CRTAC1: variants seen among roughly 807,000 people sequenced by gnomAD.
The protein encoded by CRTAC1 is cartilage acidic protein 1.
CRTAC1 carries 37 observed loss-of-function variants against 67.8 expected under a neutral mutation model. The ratio of observed to expected loss-of-function variants is 0.55; its 90% CI spans 0.42 to 0.72. The LOEUF is 0.72. Among genes scored for constraint, CRTAC1 ranks in the 30% least tolerant of loss-of-function variants. CRTAC1 has a pLI of 0.00. For synonymous variants in CRTAC1, 348 were observed against 371.0 expected, an observed-to-expected ratio of 0.94 and a Z score of 0.71; for missense variants, 780 against 931.6, an observed-to-expected ratio of 0.84 and a Z score of 2.12.
At chr10:97,872,692 A>G (rs2050106993) in intron 14 of CRTAC1, among the ~76,000 whole-genome samples, 1 of 152,194 alleles carries the variant, frequency 6.6e-6, no homozygotes, top group Non-Finnish European at 1.5e-5. Flanking sequence ...GATAGATCAG[A>G]GATGAGCGAG....
intron 2 of CRTAC1, among the ~76,000 whole-genome samples, chr10:97,947,544 T>C (rs1191167197): frequency 6.6e-6 from 1 of 152,058 alleles, no homozygotes; most frequent in Non-Finnish European, 1.5e-5. Context: ...AAGTGAAAAA[T>C]AGTGAAAAGC....
At chr10:98,011,784 A>AGGAGGGAGGAAG (rs1333270909) in intron 1 of CRTAC1, among the ~76,000 whole-genome samples, 2 of 152,178 alleles carry the variant, frequency 1.3e-5, no homozygotes, top group African/African-American at 4.8e-5. Flanking sequence ...AAGGAAGGAA[A>AGGAGGGAGGAAG]GGAGGGAGGA....
At chr10:97,998,472 G>C (rs535475121) in intron 2 of CRTAC1, among the ~76,000 whole-genome samples, 1 of 152,130 alleles carries the variant, frequency 6.6e-6, no homozygotes, top group East Asian at 1.9e-4. Context: ...AGTAATAATG[G>C]GCATCTGAAA....
At position 97,895,806 on chromosome 10, in the gene CRTAC1, C is replaced by T. The variant is rs74389307; in HGVS notation, c.1317+79G>A. 386 of 1,234,636 alleles carry T rather than the reference C, an allele frequency of 3.1e-4. 1 individual carries two copies. The highest frequency in any genetic ancestry group is 3.9e-4 in the Non-Finnish European group (336 of 853,008). The allele number at this position is 1,234,636 out of a possible 1,614,324, so 76.5% of individuals were successfully genotyped here. On this transcript the variant is annotated intron_variant, in intron 10 of 14. Transcript: ENST00000370597. This position sits in a 1 kb window ranked among gnomAD's most constrained non-coding sequence, Gnocchi z 4.2. ...CACCATGCTGGCCAAGCCAGCACCCCGGCACCTTGCCCTCACCAACTCAAG... is the reference window on the plus strand; with the variant it reads ...CACCATGCTGGCCAAGCCAGCACCCTGGCACCTTGCCCTCACCAACTCAAG...
intron 2 of CRTAC1, among the ~76,000 whole-genome samples, chr10:97,970,670 T>C (rs1384690239): frequency 1.3e-5 from 2 of 152,188 alleles, no homozygotes; most frequent in Non-Finnish European, 2.9e-5. Context: ...CCACTTTAAC[T>C]TTTCTCCTTA....
chr10:98,017,817 G>A (rs1843029421), intron 1 of CRTAC1, among the ~76,000 whole-genome samples: 3 of 151,732 alleles, frequency 2.0e-5, no homozygotes, highest in African/African-American at 7.3e-5. Context: ...GATTACAGGT[G>A]TGAGCCATCG....
chr10:97,965,319 T>G (rs1472109306), intron 2 of CRTAC1, among the ~76,000 whole-genome samples: 1 of 152,224 alleles, frequency 6.6e-6, no homozygotes, highest in Non-Finnish European at 1.5e-5. Context: ...CAGCATCCTA[T>G]GAAGTAGGTT....
Position 97,915,530 on chromosome 10 carries a change from C to G in CRTAC1, c.715+1970G>C, listed in dbSNP as rs1020160518. Among the ~76,000 whole-genome samples, 3 of 152,316 alleles carry G rather than the reference C, an allele frequency of 2.0e-5. No individual in the cohort carries two copies. The East Asian group carries it at 5.8e-4, about 29-fold the overall frequency. ...CAGCTTCTCAGGCCCCCTGGCACCA[C>G]AGTGGTGCTGAGCGCTGGCCACGCG... is the stretch of plus-strand genomic sequence containing the variant. On this transcript the variant is annotated intron_variant, in intron 5 of 14. Transcript: ENST00000370597.
intron 2 of CRTAC1, among the ~76,000 whole-genome samples, chr10:97,963,517 G>A (rs921385038): frequency 1.4e-4 from 21 of 152,258 alleles, no homozygotes; most frequent in African/African-American, 4.6e-4. Context: ...CTTCTCAAAC[G>A]GAAACCTCAC....
At chr10:97,935,012 C>T (rs1394231362) in intron 3 of CRTAC1, among the ~76,000 whole-genome samples, 1 of 152,140 alleles carries the variant, frequency 6.6e-6, no homozygotes, top group Non-Finnish European at 1.5e-5. Flanking sequence ...TGATCTACTG[C>T]CACAAGAGCA....
chr10:97,876,314 T>A (rs911825969), intron 14 of CRTAC1, among the ~76,000 whole-genome samples: 2 of 152,250 alleles, frequency 1.3e-5, no homozygotes, highest in Non-Finnish European at 2.9e-5. Flanking sequence ...CCTCTTGAGA[T>A]TATTATGAGG....
At chr10:97,929,206 G>A (rs1291887644) in intron 3 of CRTAC1, among the ~76,000 whole-genome samples, 1 of 152,098 alleles carries the variant, frequency 6.6e-6, no homozygotes, top group East Asian at 1.9e-4. Context: ...GTGGCCAAGA[G>A]GTCACTGGCC....
chr10:98,021,748 G>A (rs930349544), intron 1 of CRTAC1, among the ~76,000 whole-genome samples: 46 of 152,082 alleles, frequency 3.0e-4, no homozygotes, highest in Admixed American at 2.4e-3. Flanking sequence ...AGGCCTGCTC[G>A]GTGCTCCCCT....
chr10:97,918,506 C>T (rs1394274179), intron 4 of CRTAC1, among the ~76,000 whole-genome samples: 4 of 152,240 alleles, frequency 2.6e-5, no homozygotes, highest in Non-Finnish European at 5.9e-5. Flanking sequence ...CATCACTTCC[C>T]TCCAATTAAT....
intron 12 of CRTAC1, 149 bp from the exon 13 acceptor site, chr10:97,882,977 G>T (rs1339690265): frequency 2.7e-6 from 2 of 734,766 alleles, no homozygotes; most frequent in Non-Finnish European, 2.3e-6. Context: ...CCCCTCCCTT[G>T]TAAGACCCTT....
intron 8 of CRTAC1, among the ~76,000 whole-genome samples, chr10:97,899,727 C>T (rs781137303): frequency 2.6e-5 from 4 of 152,156 alleles, no homozygotes; most frequent in Non-Finnish European, 4.4e-5. Flanking sequence ...CACACTCATG[C>T]CTTTTAGTAT....
intron 12 of CRTAC1, among the ~76,000 whole-genome samples, chr10:97,883,373 G>T (rs561315556): frequency 1.3e-5 from 2 of 152,228 alleles, no homozygotes; most frequent in Non-Finnish European, 2.9e-5. Flanking sequence ...GTTGGGAGCC[G>T]GCCCTGCCAG....
chr10:97,936,271 A>G lies in CRTAC1; in HGVS notation c.320T>C (p.Leu107Pro). 1 of 1,614,132 alleles carries G rather than the reference A, an allele frequency of 6.2e-7. No homozygotes were observed. The highest frequency in any genetic ancestry group is 1.1e-5 in the South Asian group (1 of 91,072). ...GATGGCGTTCCCCTGCCGGTCCCGC[A>G]GCGCGTAGTAGGGTGAGCTGCGCTC... ...VDERSSPYYA[L>P]RDRQGNAIGV... The change falls in exon 3 of 15, where the codon CTG becomes CCG. Residue 107 changes from leucine (L) to proline (P), a missense_variant. By Grantham distance (98) the Leu-to-Pro change is moderately conservative. Transcript: ENST00000370597.
At chr10:97,980,516 C>A (rs2051876231) in intron 2 of CRTAC1, among the ~76,000 whole-genome samples, 1 of 152,226 alleles carries the variant, frequency 6.6e-6, no homozygotes, top group Non-Finnish European at 1.5e-5. Context: ...CTGGGATCCA[C>A]TTCCACAAAA....
Sources: gnomAD v4.1 joint callset for allele counts (sites outside exome capture counted in the v4.1 genomes callset) on GRCh38, gnomAD v4.1.1 for gene constraint, Gnocchi (gnomAD v3.1) non-coding constraint, MANE v1.5 for transcripts, NCBI Gene and HGNC (gene_info 2026-07-23, HGNC 2026-07-21) for gene names.